Variants in CRYBG1 observed in about 807,000 individuals in gnomAD.
CRYBG1 encodes beta/gamma crystallin domain-containing protein 1.
CRYBG1 carries 139 observed loss-of-function variants against 189.2 expected under a neutral mutation model. The ratio of observed to expected loss-of-function variants is 0.73; its 90% CI spans 0.64 to 0.85. The LOEUF (loss-of-function observed/expected upper bound fraction) is 0.85, where lower values mean the gene tolerates loss of function less well. CRYBG1 is among the 40% of genes least tolerant of loss of function. The pLI is 0.00. For missense variants in CRYBG1, 2,611 were observed against 2,675.8 expected (o/e 0.98, Z 0.53); for synonymous variants, 1,023 against 1,017.1 (o/e 1.01, Z -0.11).
intron 21 of CRYBG1, among the ~76,000 whole-genome samples, chr6:106,564,657 C>G (rs1774825200): frequency 6.6e-6 from 1 of 152,154 alleles, no homozygotes; most frequent in African/African-American, 2.4e-5. Context: ...GTTGCCAATG[C>G]TGCTGGTCTG....
At chr6:106,515,246 T>G (rs1434399740) in intron 3 of CRYBG1, among the ~76,000 whole-genome samples, 1 of 152,232 alleles carries the variant, frequency 6.6e-6, no homozygotes, top group Admixed American at 6.5e-5. Flanking sequence ...TATTTTCCCC[T>G]GTCTCATAAT....
At chr6:106,531,041 A>G (rs199911516) in intron 8 of CRYBG1, among the ~76,000 whole-genome samples, 1 of 152,326 alleles carries the variant, frequency 6.6e-6, no homozygotes, top group East Asian at 1.9e-4. Flanking sequence ...ATAAATATTC[A>G]TATATTCAGA....
rs144881884 is a variant in CRYBG1, at chr6:106,519,956, T to C, written c.2748T>C (p.Ser916=). Residue 916 remains serine, a synonymous_variant, in exon 4 of 22, where the codon TCT becomes TCC. Transcript: ENST00000633556. The part of the protein sequence containing the change: ...ENHKGCVLPV[S]RQNNEKMPLL... ...ATAAAGGATGTGTTTTGCCTGTGTC[T>C]CGTCAGAACAATGAGAAAATGCCAC... 4.5e-3 allele frequency: 7,335 copies of C among 1,614,138 alleles called. 26 individuals carry two copies. The highest frequency in any genetic ancestry group is 6.3e-3 in the Middle Eastern group (38 of 6,062).
chr6:106,557,163 T>C (rs559867493), intron 17 of CRYBG1, among the ~76,000 whole-genome samples: 1 of 152,356 alleles, frequency 6.6e-6, no homozygotes, highest in East Asian at 1.9e-4. Context: ...ATCTCAAAAG[T>C]GCAATAAAAG....
intron 2 of CRYBG1, among the ~76,000 whole-genome samples, chr6:106,468,948 G>A (rs35557402): frequency 0.06 from 9,123 of 152,094 alleles, 494 homozygotes; most frequent in East Asian, 0.22. Flanking sequence ...CTTTTTACAG[G>A]ATGAATCAGA....
At chr6:106,446,654 C>T (rs1408173295) in intron 1 of CRYBG1, among the ~76,000 whole-genome samples, 2 of 152,040 alleles carry the variant, frequency 1.3e-5, no homozygotes, top group Admixed American at 6.6e-5. Flanking sequence ...GTGGTGTAGA[C>T]CAACATTAGG....
chr6:106,567,656 T>C (rs1298319380), intron 21 of CRYBG1, among the ~76,000 whole-genome samples: 1 of 151,100 alleles, frequency 6.6e-6, no homozygotes, highest in Non-Finnish European at 1.5e-5. Context: ...GGATAAGCCA[T>C]CTGAAGGGAT....
At chr6:106,379,881 G>A (rs1770254119) in intron 1 of CRYBG1, among the ~76,000 whole-genome samples, 1 of 152,164 alleles carries the variant, frequency 6.6e-6, no homozygotes. Context: ...GCTCAGCCAT[G>A]ATTTTTACAT....
At chr6:106,371,843 T>G (rs1770043987) in intron 1 of CRYBG1, among the ~76,000 whole-genome samples, 1 of 152,248 alleles carries the variant, frequency 6.6e-6, no homozygotes. Flanking sequence ...TTCAAGTACT[T>G]TGGCCTAGAA....
At chr6:106,379,391 A>G (rs910894026) in intron 1 of CRYBG1, among the ~76,000 whole-genome samples, 5 of 151,402 alleles carry the variant, frequency 3.3e-5, no homozygotes, top group Non-Finnish European at 7.4e-5. Flanking sequence ...TCTCCCAAGT[A>G]GCTGGGACTA....
intron 2 of CRYBG1, among the ~76,000 whole-genome samples, chr6:106,472,397 GT>G (rs1772249311): frequency 6.6e-6 from 1 of 152,070 alleles, no homozygotes; most frequent in African/African-American, 2.4e-5. Context: ...ATGACATAGT[GT>G]TTATCTTGAT....
At chr6:106,402,717 G>A (rs954180136) in intron 1 of CRYBG1, among the ~76,000 whole-genome samples, 2 of 152,144 alleles carry the variant, frequency 1.3e-5, no homozygotes, top group African/African-American at 2.4e-5. Context: ...TTCTTTAAGA[G>A]TCACTCCGGA....
chr6:106,433,033 G>A (rs1582759577), intron 1 of CRYBG1, among the ~76,000 whole-genome samples: 1 of 151,672 alleles, frequency 6.6e-6, no homozygotes, highest in African/African-American at 2.4e-5. Flanking sequence ...TAGAGAAGGG[G>A]TTTCACGATG....
At position 106,415,725 on chromosome 6, in the gene CRYBG1, C is replaced by CA. The variant is rs34513369; in HGVS notation, c.174-35956dup. On this transcript the variant is annotated intron_variant, in intron 1 of 21. Coordinates refer to ENST00000633556, the MANE Select transcript of CRYBG1 (RefSeq NM_001371242.2). The stretch of plus-strand genomic sequence containing the variant: ...TGGGTGACAGAGTGAGACCCTGTCT[C>CA]AAAAAAAAAAAAAGTTTTTCTGCTT... Among the ~76,000 whole-genome samples the CA allele has an allele frequency of 1.5e-3, 204 of 138,114 alleles. 1 individual carries two copies. Among genetic ancestry groups the CA allele is most frequent in the African/African-American group, 3.3e-3 (124 of 37,706 alleles). The allele number at this position is 138,114 out of a possible 152,430, so 90.6% of individuals were successfully genotyped here.
At chr6:106,566,207 T>C (rs1313079252) in intron 21 of CRYBG1, among the ~76,000 whole-genome samples, 1 of 148,890 alleles carries the variant, frequency 6.7e-6, no homozygotes, top group Non-Finnish European at 1.5e-5. Flanking sequence ...CTTCAGACAG[T>C]TTACGTTCTA....
intron 9 of CRYBG1, among the ~76,000 whole-genome samples, chr6:106,540,748 A>G (rs1019453144): frequency 6.6e-6 from 1 of 151,890 alleles, no homozygotes. Flanking sequence ...TTCTTTTATA[A>G]TTATAGTTCA....
At chr6:106,564,553 G>A (rs1028377722) in intron 21 of CRYBG1, among the ~76,000 whole-genome samples, 8 of 152,190 alleles carry the variant, frequency 5.3e-5, no homozygotes, top group African/African-American at 1.7e-4. Context: ...CCTGGAGGGC[G>A]GGTTAAAATA....
chr6:106,514,970 T>C (rs548700470), intron 3 of CRYBG1, among the ~76,000 whole-genome samples: 2 of 152,260 alleles, frequency 1.3e-5, no homozygotes, highest in Non-Finnish European at 2.9e-5. Context: ...TGATGGTTTT[T>C]TCAGACCCTT....
At chr6:106,387,486 T>A (rs2114330389) in intron 1 of CRYBG1, among the ~76,000 whole-genome samples, 1 of 152,286 alleles carries the variant, frequency 6.6e-6, no homozygotes, top group African/African-American at 2.4e-5. Flanking sequence ...TGCTCCTCCC[T>A]CCTGCTGTCA....
Sources: allele counts gnomAD v4.1 joint callset (sites outside exome capture counted in the v4.1 genomes callset), GRCh38; gene constraint gnomAD v4.1.1; transcripts MANE v1.5; gene names NCBI Gene and HGNC (gene_info 2026-07-23, HGNC 2026-07-21).